SLC1A7: variants seen among roughly 807,000 people sequenced by gnomAD.
SLC1A7 encodes solute carrier family 1 member 7, also known as excitatory amino acid transporter 5.
SLC1A7 carries 40 observed loss-of-function variants against 47.7 expected under a neutral mutation model. That is an observed-to-expected ratio of 0.84 (90% confidence interval 0.65 to 1.09). The LOEUF is 1.09. SLC1A7 is among the 50% of genes least tolerant of loss of function. The pLI, the probability that SLC1A7 is intolerant of heterozygous loss-of-function variation, is 0.00. For missense variants in SLC1A7, 746 were observed against 769.5 expected, an observed-to-expected ratio of 0.97 and a Z score of 0.36; for synonymous variants, 323 against 325.6, an observed-to-expected ratio of 0.99 and a Z score of 0.09.
chr1:53,100,208 ACAC>A (rs1644556456), intron 5 of SLC1A7, among the ~76,000 whole-genome samples: 1 of 94,948 alleles, frequency 1.1e-5, no homozygotes, highest in Non-Finnish European at 2.4e-5. Flanking sequence ...GTATACTCAC[ACAC>A]CCCACCTTGG....
intron 7 of SLC1A7, 40 bp downstream of exon 7, chr1:53,092,514 C>G (rs746496439): frequency 1.9e-5 from 27 of 1,454,740 alleles, no homozygotes; most frequent in Non-Finnish European, 2.5e-5. Context: ...GGGCTCAGCC[C>G]CTCCCAGCTC....
chr1:53,101,076 C>A (rs1356562154), intron 5 of SLC1A7, among the ~76,000 whole-genome samples: 2 of 151,378 alleles, frequency 1.3e-5, no homozygotes, highest in African/African-American at 4.9e-5. Flanking sequence ...CTCACACACA[C>A]CACCTTGGTA....
chr1:53,111,867 G>A (rs375202399), intron 3 of SLC1A7, among the ~76,000 whole-genome samples: 295 of 152,296 alleles, frequency 1.9e-3, no homozygotes, highest in African/African-American at 6.3e-3. Flanking sequence ...AACAGACCCT[G>A]CCTGGATCTC....
chr1:53,092,874 C>T (rs943106601), intron 6 of SLC1A7, 87 bp from the exon 7 acceptor site: 33 of 851,832 alleles, frequency 3.9e-5, no homozygotes, highest in Non-Finnish European at 6.2e-5. Flanking sequence ...GGCCTTCCCC[C>T]TGAGCTTCCT....
At chr1:53,099,082 C>T (rs7555927) in intron 5 of SLC1A7, among the ~76,000 whole-genome samples, 2,458 of 151,224 alleles carry the variant, frequency 0.016, 68 homozygotes, top group African/African-American at 0.056. Flanking sequence ...TCACACACCC[C>T]GCCTCGGTAC....
intron 5 of SLC1A7, among the ~76,000 whole-genome samples, chr1:53,100,889 AGACTGCCTCAATACATT>A (rs1644568258): frequency 6.6e-6 from 1 of 150,926 alleles, no homozygotes; most frequent in South Asian, 2.1e-4. Flanking sequence ...TGGTACACTC[AGACTGCCTCAATACATT>A]CACACACCCC....
intron 4 of SLC1A7, among the ~76,000 whole-genome samples, chr1:53,104,001 G>T (rs937659734): frequency 1.3e-5 from 2 of 152,098 alleles, no homozygotes; most frequent in East Asian, 1.9e-4. Flanking sequence ...AGCATAGCCT[G>T]CCCCAAGCCT....
intron 5 of SLC1A7, among the ~76,000 whole-genome samples, chr1:53,096,041 G>T (rs927257791): frequency 1.4e-5 from 2 of 141,596 alleles, no homozygotes; most frequent in African/African-American, 2.7e-5. Context: ...CACACAACTC[G>T]CCTCGGTACA....
rs749184336 is a variant in SLC1A7, at chr1:53,089,825, G to T, written c.1336C>A (p.Leu446Ile). 1 of 1,613,904 alleles carries T rather than the reference G, an allele frequency of 6.2e-7. No individual in the cohort carries two copies. The highest frequency in any genetic ancestry group is 8.5e-7 in the Non-Finnish European group (1 of 1,180,020). Residue 446 changes from leucine to isoleucine, a missense_variant, in exon 9 of 11, where the codon CTC becomes ATC. Physicochemically the swap from Leu to Ile is conservative, Grantham distance 5. Coordinates refer to ENST00000371494, the MANE Select transcript of SLC1A7 (RefSeq NM_006671.6). ...AGAGCCCAGTCAACGGCAATGATGAGGGTGATGTCATCGGTGGGCAGTCCC... is the reference window on the plus strand; with the variant it reads ...AGAGCCCAGTCAACGGCAATGATGATGGTGATGTCATCGGTGGGCAGTCCC... ...SVGLPTDDIT[L>I]IIAVDWALDR...
intron 2 of SLC1A7, among the ~76,000 whole-genome samples, chr1:53,120,016 G>C (rs1313482159): frequency 6.6e-6 from 1 of 152,216 alleles, no homozygotes; most frequent in Admixed American, 6.5e-5. Context: ...TCCCTCCTAA[G>C]CCATCTGGCC....
rs2150333116 is a variant in SLC1A7, at chr1:53,114,882, C to A, written c.307G>T (p.Ala103Ser). The change falls in exon 3 of 11, where the codon GCT becomes TCT. Residue 103 changes from alanine (A) to serine (S), a missense_variant. Coordinates refer to ENST00000371494, the MANE Select transcript of SLC1A7 (RefSeq NM_006671.6). Reference sequence around the variant, plus strand: ...ACCATGAAGATGCCCACGATGACAGCCATGAAGGTGGTCCACAGGTAGTAC... The same window carrying A: ...ACCATGAAGATGCCCACGATGACAGACATGAAGGTGGTCCACAGGTAGTAC... ...VAYYLWTTFM[A>S]VIVGIFMVSI... 1 of 1,614,176 alleles carries A rather than the reference C, an allele frequency of 6.2e-7. No homozygotes were observed. Among genetic ancestry groups the A allele is most frequent in the Non-Finnish European group, 8.5e-7 (1 of 1,180,022 alleles).
chr1:53,115,117 C>T, intron 2 of SLC1A7, 144 bp from the exon 3 acceptor site: 1 of 658,758 alleles, frequency 1.5e-6, no homozygotes, highest in South Asian at 1.8e-5. Context: ...CAGTCCTGTG[C>T]TCCTTCCAGC....
At position 53,142,441 on chromosome 1, in the gene SLC1A7, C is replaced by T. The variant is rs774656728; in HGVS notation, c.9G>A (p.Pro3=). 5.8e-5 allele frequency: 93 copies of T among 1,612,880 alleles called. No homozygotes were observed. The highest frequency in any genetic ancestry group is 1.6e-4 in the Middle Eastern group (1 of 6,082). MV[P]HAILARGRDV... Reference sequence around the variant, plus strand: ...CCCTCCCCCGTGCCAAGATGGCATGCGGCACCATGGTGAGCCTGGCCTGCT... The same window carrying T: ...CCCTCCCCCGTGCCAAGATGGCATGTGGCACCATGGTGAGCCTGGCCTGCT... The change falls in exon 1 of 11, where the codon CCG becomes CCA. Residue 3 remains proline, a synonymous_variant. Transcript: ENST00000371494.
At chr1:53,117,300 T>C (rs1644772687) in intron 2 of SLC1A7, among the ~76,000 whole-genome samples, 1 of 152,196 alleles carries the variant, frequency 6.6e-6, no homozygotes, top group Non-Finnish European at 1.5e-5. Context: ...GAAGATAGGC[T>C]GAGCTCAGGA....
intron 4 of SLC1A7, 172 bp from the exon 5 acceptor site, chr1:53,103,740 A>G (rs770807598): frequency 1.5e-5 from 8 of 518,968 alleles, no homozygotes; most frequent in Non-Finnish European, 2.7e-5. Flanking sequence ...ATTTTACCCA[A>G]AGAAAGCTGC....
intron 2 of SLC1A7, among the ~76,000 whole-genome samples, chr1:53,120,759 A>T (rs936641): frequency 6.6e-6 from 1 of 152,362 alleles, no homozygotes; most frequent in East Asian, 1.9e-4. Context: ...CTGACCCAGC[A>T]CCTGGCACAG....
Position 53,110,185 on chromosome 1 carries a change from C to T in SLC1A7, c.432-4411G>A, listed in dbSNP as rs1644687089. Among the ~76,000 whole-genome samples the T allele has an allele frequency of 1.3e-5, 2 of 152,212 alleles. 1 individual carries two copies. Among genetic ancestry groups the T allele is most frequent in the South Asian group, 4.1e-4 (2 of 4,834 alleles). ...CTCATAGGCCTTTGTGTTTCAGAAC[C>T]ACAGAGCTAGACGGGATCTTGAAAA... is the stretch of plus-strand genomic sequence containing the variant. On this transcript the variant is annotated intron_variant, in intron 3 of 10. Transcript: ENST00000371494.
At chr1:53,099,158 ACACTCACAGAGTCTTGG>A (rs1161796866) in intron 5 of SLC1A7, among the ~76,000 whole-genome samples, 50 of 58,576 alleles carry the variant, frequency 8.5e-4, no homozygotes, top group East Asian at 3.2e-3. Context: ...CTGCCTCGGT[ACACTCACAGAGTCTTGG>A]TACACTCACA....
chr1:53,101,565 C>T (rs11485585), intron 5 of SLC1A7, among the ~76,000 whole-genome samples: 29,896 of 134,790 alleles, frequency 0.22, 3,095 homozygotes, highest in Middle Eastern at 0.39. Context: ...CTCGGTACAC[C>T]CATGCCTACT....
Sources: allele counts gnomAD v4.1 joint callset (sites outside exome capture counted in the v4.1 genomes callset), GRCh38; gene constraint gnomAD v4.1.1; transcripts MANE v1.5; gene names NCBI Gene and HGNC (gene_info 2026-07-23, HGNC 2026-07-21).